The following FAM240B variants were observed in gnomAD, a reference collection of about 807,000 sequenced individuals.
FAM240B encodes family with sequence similarity 240 member B.
In FAM240B at chr9:38,694,731, A is replaced by AT; in HGVS notation, c.*44_*45insA. 5.0e-6 allele frequency: 2 copies of AT among 398,548 alleles called. No individual in the cohort carries two copies. Among genetic ancestry groups the AT allele is most frequent in the Non-Finnish European group, 8.8e-6 (2 of 226,044 alleles). 24.7% of individuals were successfully genotyped at this position (398,548 alleles called of 1,614,324 possible). ...TGAGTGTTAGTTTTTTTCCCCTAGAAAAGTGGTCGCTTGCTATCTTTGAAG... is the reference window on the plus strand; with the variant it reads ...TGAGTGTTAGTTTTTTTCCCCTAGAATAAGTGGTCGCTTGCTATCTTTGAAG... On this transcript the variant is annotated 3_prime_UTR_variant, in exon 3 of 3. Transcript: ENST00000637493.
intron 2 of FAM240B, among the ~76,000 whole-genome samples, chr9:38,696,874 G>C (rs868799600): frequency 6.6e-6 from 1 of 152,124 alleles, no homozygotes; most frequent in Non-Finnish European, 1.5e-5. Context: ...GATATCCACA[G>C]ATTAGTAATT....
At chr9:38,696,245 G>C (rs905597943) in intron 2 of FAM240B, among the ~76,000 whole-genome samples, 6 of 151,936 alleles carry the variant, frequency 3.9e-5, no homozygotes, top group African/African-American at 1.2e-4. Context: ...TATAAATAAC[G>C]CCACAACGAG....
rs181350945 is a variant in FAM240B at position 38,700,714 on chromosome 9, T to A, written c.143+3143A>T. On this transcript the variant is annotated intron_variant, in intron 2 of 2. Transcript: ENST00000637493. The stretch of plus-strand genomic sequence containing the variant: ...GTTTGCAAACACTTTCTAACTTCTT[T>A]GGGGGACTAACCCATCCATGTTCTG... Among the ~76,000 whole-genome samples the A allele has an allele frequency of 5.3e-5, 8 of 152,352 alleles. No homozygotes were observed. In the East Asian group the frequency reaches 1.4e-3, roughly 26 times the overall value.
At chr9:38,712,244 GA>G (rs1821264064) in intron 1 of FAM240B, among the ~76,000 whole-genome samples, 3 of 152,144 alleles carry the variant, frequency 2.0e-5, no homozygotes, top group East Asian at 3.9e-4. Context: ...TCACTGCAGT[GA>G]CACCAAGTCA....
chr9:38,712,567 C>T (rs1475590221), intron 1 of FAM240B, among the ~76,000 whole-genome samples: 1 of 152,034 alleles, frequency 6.6e-6, no homozygotes, highest in Non-Finnish European at 1.5e-5. Context: ...GTTGACTTTC[C>T]CCAAGCTCCA....
At chr9:38,701,146 C>G (rs1821121225) in intron 2 of FAM240B, among the ~76,000 whole-genome samples, 1 of 151,976 alleles carries the variant, frequency 6.6e-6, no homozygotes, top group Non-Finnish European at 1.5e-5. Context: ...TTAAAAAGGT[C>G]TGTGTGTTAC....
At chr9:38,713,667 CTG>C (rs1821281415) in intron 1 of FAM240B, among the ~76,000 whole-genome samples, 1 of 152,018 alleles carries the variant, frequency 6.6e-6, no homozygotes, top group South Asian at 2.1e-4. Flanking sequence ...AAGAAGATGA[CTG>C]TGTTCTTGGG....
At chr9:38,718,663 A>C (rs1335994387) in intron 1 of FAM240B, among the ~76,000 whole-genome samples, 1 of 152,206 alleles carries the variant, frequency 6.6e-6, no homozygotes, top group Non-Finnish European at 1.5e-5. Context: ...CAAAAATAAA[A>C]AATAATTATA....
At chr9:38,716,432 A>G (rs1327386774) in intron 1 of FAM240B, among the ~76,000 whole-genome samples, 1 of 152,022 alleles carries the variant, frequency 6.6e-6, no homozygotes, top group Non-Finnish European at 1.5e-5. Flanking sequence ...AAATCGTGCC[A>G]CAGCACTCTA....
chr9:38,706,550 A>AC (rs1303518413), intron 1 of FAM240B, among the ~76,000 whole-genome samples: 1 of 151,884 alleles, frequency 6.6e-6, no homozygotes, highest in Non-Finnish European at 1.5e-5. Context: ...AAGTTAAATG[A>AC]CCCCCTTCCA....
intron 2 of FAM240B, among the ~76,000 whole-genome samples, chr9:38,699,173 G>C (rs1821095887): frequency 6.6e-6 from 1 of 152,222 alleles, no homozygotes; most frequent in Non-Finnish European, 1.5e-5. Flanking sequence ...TTGTGGAGGA[G>C]TTGTTAATTC....
intron 1 of FAM240B, among the ~76,000 whole-genome samples, chr9:38,708,950 G>C (rs1821221886): frequency 6.6e-6 from 1 of 152,076 alleles, no homozygotes; most frequent in African/African-American, 2.4e-5. Flanking sequence ...CCCAGACCCA[G>C]TGCTGGACCA....
In FAM240B at chr9:38,713,327, G is replaced by A. The variant is rs189459095; in HGVS notation, c.-4+6695C>T. On this transcript the variant is annotated intron_variant, in intron 1 of 2. Transcript: ENST00000637493. ...CCCCATCTCTACTAAAAATACAAAA[G>A]ATTAGCTGGGCATGGTGGCGAGCGC... is the stretch of plus-strand genomic sequence containing the variant. 7.2e-3 allele frequency among the ~76,000 whole-genome samples: 1,088 copies of A among 151,822 alleles called. 18 individuals carry two copies. The highest frequency in any genetic ancestry group is 0.025 in the African/African-American group (1,044 of 41,404).
At chr9:38,706,332 T>A (rs939196493) in intron 1 of FAM240B, among the ~76,000 whole-genome samples, 1 of 152,034 alleles carries the variant, frequency 6.6e-6, no homozygotes, top group African/African-American at 2.4e-5. Context: ...GAGCCTGCAC[T>A]CTTCCCACCG....
At chr9:38,707,095 A>G (rs1438521314) in intron 1 of FAM240B, among the ~76,000 whole-genome samples, 1 of 152,222 alleles carries the variant, frequency 6.6e-6, no homozygotes, top group African/African-American at 2.4e-5. Flanking sequence ...TGCCTTTTAT[A>G]TGCATAATAT....
At chr9:38,705,971 G>A (rs1268607286) in intron 1 of FAM240B, among the ~76,000 whole-genome samples, 1 of 152,186 alleles carries the variant, frequency 6.6e-6, no homozygotes, top group Non-Finnish European at 1.5e-5. Context: ...GACGATTGAA[G>A]GAGATGCAGG....
Position 38,720,045 on chromosome 9 carries a change from T to G in FAM240B, c.-27A>C, listed in dbSNP as rs1821353900. On this transcript the variant is annotated 5_prime_UTR_variant, in exon 1 of 3. Coordinates refer to ENST00000637493, the MANE Select transcript of FAM240B (RefSeq NM_001394922.1). ...ACCTTAAAGATGAATTTGCAGGTGA[T>G]ACCCGGCTAGGGTGCAAAGGAGGGC... 1.6e-5 allele frequency: 2 copies of G among 127,478 alleles called. No homozygotes were observed. Among genetic ancestry groups the G allele is most frequent in the South Asian group, 2.6e-4 (1 of 3,862 alleles). The allele number at this position is 127,478 out of a possible 1,614,324, so 7.9% of individuals were successfully genotyped here.
At chr9:38,716,528 A>C (rs1389706172) in intron 1 of FAM240B, among the ~76,000 whole-genome samples, 1 of 152,200 alleles carries the variant, frequency 6.6e-6, no homozygotes, top group African/African-American at 2.4e-5. Context: ...CTCAGTGGAC[A>C]AAGAACCTGT....
intron 2 of FAM240B, among the ~76,000 whole-genome samples, chr9:38,695,162 ACACATGTATTCCTATACATTCTG>A (rs1234952350): frequency 6.6e-6 from 1 of 152,190 alleles, no homozygotes; most frequent in African/African-American, 2.4e-5. Flanking sequence ...AACCACCATG[ACACATGTATTCCTATACATTCTG>A]CACATGTATC....
Sources: gnomAD v4.1 joint callset for allele counts (sites outside exome capture counted in the v4.1 genomes callset) on GRCh38, gnomAD v4.1.1 for gene constraint, MANE v1.5 for transcripts, NCBI Gene and HGNC (gene_info 2026-07-23, HGNC 2026-07-21) for gene names.